Variants in CALN1 observed in about 807,000 individuals in gnomAD.
The protein encoded by CALN1 is calcium-binding protein 8.
In CALN1, 17 loss-of-function variants were observed where a neutral mutation model predicts 30.6. The ratio of observed to expected loss-of-function variants is 0.56; its 90% CI spans 0.38 to 0.83. The LOEUF (loss-of-function observed/expected upper bound fraction) is 0.83. Ranked by LOEUF, CALN1 falls within the 40% of genes least tolerant of loss-of-function variation. CALN1 has a pLI of 0.00. For missense variants in CALN1, 291 were observed against 354.9 expected (o/e 0.82, Z 1.45); for synonymous variants, 156 against 131.4 (o/e 1.19, Z -1.28).
intron 5 of CALN1, among the ~76,000 whole-genome samples, chr7:71,993,447 CAAT>C (rs1215707917): frequency 2.7e-5 from 4 of 145,744 alleles, no homozygotes; most frequent in Non-Finnish European, 3.0e-5. Flanking sequence ...GCCTGGGCAA[CAAT>C]GAGGCTTTTT....
chr7:72,203,117 A>G (rs1168326362), intron 3 of CALN1, among the ~76,000 whole-genome samples: 2 of 152,176 alleles, frequency 1.3e-5, no homozygotes, highest in Admixed American at 6.6e-5. Context: ...GTTCTCACTC[A>G]TAAGTGGGAG....
rs763119998 is a variant in CALN1, at chr7:72,225,212, C to A, written c.244+53474G>T. On this transcript the variant is annotated intron_variant, in intron 3 of 6. Transcript: ENST00000395275. ...AGGAAGTCATTTTACCAAAAGAGGCCGGGCTCGGCTTTCACGTCTCTTCCT... is the reference window on the plus strand; with the variant it reads ...AGGAAGTCATTTTACCAAAAGAGGCAGGGCTCGGCTTTCACGTCTCTTCCT... 4.1e-4 allele frequency among the ~76,000 whole-genome samples: 62 copies of A among 152,046 alleles called. 1 individual carries two copies. Among genetic ancestry groups the A allele is most frequent in the Non-Finnish European group, 1.0e-4 (7 of 68,022 alleles).
At chr7:72,100,002 A>G (rs887320845) in intron 4 of CALN1, among the ~76,000 whole-genome samples, 1 of 152,166 alleles carries the variant, frequency 6.6e-6, no homozygotes, top group African/African-American at 2.4e-5. Flanking sequence ...ATATCATCAC[A>G]TAAAGCCCCA....
chr7:72,070,068 T>C (rs1184656680), intron 4 of CALN1, among the ~76,000 whole-genome samples: 3 of 152,188 alleles, frequency 2.0e-5, no homozygotes, highest in Non-Finnish European at 2.9e-5. Flanking sequence ...CTAGCCTTGA[T>C]CCATCCTATT....
At chr7:72,010,282 C>T (rs1277538905) in intron 5 of CALN1, among the ~76,000 whole-genome samples, 1 of 151,974 alleles carries the variant, frequency 6.6e-6, no homozygotes, top group Non-Finnish European at 1.5e-5. Context: ...ATAAAAGGAC[C>T]CAAGGAAATC....
chr7:72,478,350 T>C, the CALN1 span, among the ~76,000 whole-genome samples: 2 of 147,470 alleles, frequency 1.4e-5, no homozygotes, highest in African/African-American at 4.9e-5. Context: ...AATATATAAA[T>C]ATAAATGTAA....
At chr7:72,377,046 A>G (rs1276340314) in intron 2 of CALN1, among the ~76,000 whole-genome samples, 1 of 152,184 alleles carries the variant, frequency 6.6e-6, no homozygotes, top group Admixed American at 6.5e-5. Flanking sequence ...TCCATGGCAT[A>G]TATTTTTATA....
At chr7:72,089,793 T>A (rs1326469089) in intron 4 of CALN1, among the ~76,000 whole-genome samples, 1 of 151,928 alleles carries the variant, frequency 6.6e-6, no homozygotes, top group Non-Finnish European at 1.5e-5. Context: ...TGGAAGTAAA[T>A]CCAGGAAGTA....
At chr7:72,214,394 C>T (rs1243346882) in intron 3 of CALN1, among the ~76,000 whole-genome samples, 2 of 151,968 alleles carry the variant, frequency 1.3e-5, no homozygotes, top group Non-Finnish European at 2.9e-5. Flanking sequence ...GCAGGAGAAT[C>T]ACTTCAACCA....
At chr7:72,330,935 C>G (rs1256990495) in intron 2 of CALN1, among the ~76,000 whole-genome samples, 2 of 152,176 alleles carry the variant, frequency 1.3e-5, no homozygotes, top group African/African-American at 4.8e-5. Context: ...ACAGTGACAC[C>G]TTCCCTTTCT....
chr7:72,391,997 G>A (rs1446013573), intron 2 of CALN1, among the ~76,000 whole-genome samples: 1 of 152,202 alleles, frequency 6.6e-6, no homozygotes, highest in African/African-American at 2.4e-5. Context: ...GAGTATGGCA[G>A]AAGCAATAGC....
chr7:72,436,730 C>T (rs952980814), intron 1 of CALN1, among the ~76,000 whole-genome samples: 3 of 152,054 alleles, frequency 2.0e-5, no homozygotes, highest in Admixed American at 2.0e-4. Flanking sequence ...TAATGTTCTC[C>T]AAGCGTGGGC....
chr7:72,328,853 G>A (rs1186534999), intron 2 of CALN1, among the ~76,000 whole-genome samples: 8 of 152,250 alleles, frequency 5.3e-5, no homozygotes, highest in Non-Finnish European at 7.4e-5. Flanking sequence ...CCACCACCAT[G>A]CCCAGCTAGT....
intron 4 of CALN1, among the ~76,000 whole-genome samples, chr7:72,086,460 G>A (rs1261381595): frequency 6.6e-6 from 1 of 152,146 alleles, no homozygotes; most frequent in Non-Finnish European, 1.5e-5. Context: ...TTAGAGAGGA[G>A]TCTTGCTCTG....
chr7:72,199,476 G>C (rs888847042), intron 3 of CALN1, among the ~76,000 whole-genome samples: 1 of 152,206 alleles, frequency 6.6e-6, no homozygotes, highest in Middle Eastern at 3.4e-3. Context: ...AGGCTGAGCC[G>C]GGGGGCATTG....
chr7:72,400,514 C>T (rs1806269305), intron 2 of CALN1, among the ~76,000 whole-genome samples: 2 of 152,156 alleles, frequency 1.3e-5, no homozygotes, highest in South Asian at 2.1e-4. Context: ...AGCTCTTGTT[C>T]CCTCCAGAAT....
At chr7:72,092,175 G>A (rs555208413) in intron 4 of CALN1, among the ~76,000 whole-genome samples, 1 of 152,154 alleles carries the variant, frequency 6.6e-6, no homozygotes, top group African/African-American at 2.4e-5. Flanking sequence ...CAGAATCAGT[G>A]CTTGGATCTG....
intron 3 of CALN1, among the ~76,000 whole-genome samples, chr7:72,154,774 G>A (rs1052867790): frequency 1.3e-5 from 2 of 152,174 alleles, no homozygotes; most frequent in Admixed American, 1.3e-4. Flanking sequence ...CAGGCCCAGT[G>A]TCTCATGCCT....
At chr7:72,154,970 T>A (rs978609629) in intron 3 of CALN1, among the ~76,000 whole-genome samples, 9 of 151,918 alleles carry the variant, frequency 5.9e-5, no homozygotes, top group African/African-American at 2.2e-4. Context: ...GGTGGGAGGA[T>A]TGCTTGAGCC....
Sources: allele counts gnomAD v4.1 joint callset (sites outside exome capture counted in the v4.1 genomes callset), GRCh38; gene constraint gnomAD v4.1.1; transcripts MANE v1.5; gene names NCBI Gene and HGNC (gene_info 2026-07-23, HGNC 2026-07-21).